TP63: variants seen among roughly 807,000 people sequenced by gnomAD.
The protein encoded by TP63 is tumor protein p63.
A neutral mutation model predicts 82.8 loss-of-function variants in TP63; 17 were observed. The observed-to-expected ratio is 0.21, with a 90% CI of 0.14 to 0.31. The LOEUF (loss-of-function observed/expected upper bound fraction) is 0.31, where lower values mean the gene tolerates loss of function less well. Ranked by LOEUF, TP63 falls within the 10% of genes least tolerant of loss-of-function variation. The probability of loss-of-function intolerance (pLI) is 1.00; values close to 1 mark genes in which losing one functional copy is unlikely to be tolerated. For missense variants in TP63, 648 were observed against 895.3 expected (o/e 0.72, Z 3.52); for synonymous variants, 330 against 321.7 (o/e 1.03, Z -0.28).
At chr3:189,867,195 A>G (rs1717833193) in intron 6 of TP63, among the ~76,000 whole-genome samples, 1 of 152,178 alleles carries the variant, frequency 6.6e-6, no homozygotes, top group Non-Finnish European at 1.5e-5. Context: ...GTTTGAATGA[A>G]CAGATGATAG....
At chr3:189,765,864 T>G (rs1722925187) in intron 3 of TP63, among the ~76,000 whole-genome samples, 2 of 152,180 alleles carry the variant, frequency 1.3e-5, no homozygotes, top group Non-Finnish European at 2.9e-5. Flanking sequence ...ACTCCCCCTC[T>G]GGGCTTAGTT....
At chr3:189,868,165 G>T (rs1006782799) in intron 7 of TP63, among the ~76,000 whole-genome samples, 4 of 152,188 alleles carry the variant, frequency 2.6e-5, no homozygotes, top group Non-Finnish European at 4.4e-5. Context: ...AAGTGTGCAA[G>T]TCACTTCATA....
intron 4 of TP63, among the ~76,000 whole-genome samples, chr3:189,823,498 T>G (rs1729012599): frequency 6.6e-6 from 1 of 152,160 alleles, no homozygotes; most frequent in Non-Finnish European, 1.5e-5. Context: ...GTCGGTGATG[T>G]GGCTCACTCA....
the TP63 span, among the ~76,000 whole-genome samples, chr3:189,600,637 C>T: frequency 3.0e-4 from 45 of 152,252 alleles, no homozygotes; most frequent in African/African-American, 1.0e-3. Context: ...CTGTTTCTCC[C>T]TGCTTTAGAT....
At chr3:189,808,608 C>A in intron 4 of TP63, 82 bp downstream of exon 4, 2 of 1,601,878 alleles carry the variant, frequency 1.2e-6, no homozygotes, top group Non-Finnish European at 1.7e-6. Flanking sequence ...TCTCCCCCTT[C>A]CCAGTTTAGC....
chr3:189,601,833 C>T, the TP63 span, among the ~76,000 whole-genome samples: 1 of 152,176 alleles, frequency 6.6e-6, no homozygotes, highest in African/African-American at 2.4e-5. Context: ...GTCCATCTCA[C>T]ACTACCAACG....
intron 1 of TP63, among the ~76,000 whole-genome samples, chr3:189,674,938 T>C (rs192747727): frequency 5.3e-5 from 8 of 152,270 alleles, no homozygotes; most frequent in Admixed American, 3.9e-4. Flanking sequence ...CTCCTCAGCA[T>C]TGACAAAATC....
At chr3:189,744,548 G>A (rs112866077) in intron 3 of TP63, among the ~76,000 whole-genome samples, 2,640 of 152,148 alleles carry the variant, frequency 0.017, 44 homozygotes, top group Non-Finnish European at 0.026. Flanking sequence ...TTCTGGTCAC[G>A]CCCACCCAAC....
chr3:189,632,593 G>A (rs1041071310), intron 1 of TP63, among the ~76,000 whole-genome samples: 20 of 152,034 alleles, frequency 1.3e-4, no homozygotes, highest in African/African-American at 4.8e-4. Flanking sequence ...AAGAGAAAGA[G>A]CAAGGCAGAA....
intron 3 of TP63, among the ~76,000 whole-genome samples, chr3:189,778,069 C>A (rs1723957503): frequency 1.3e-5 from 2 of 151,778 alleles, no homozygotes; most frequent in African/African-American, 4.8e-5. Flanking sequence ...CTGGTGAACT[C>A]CAGCCATGGC....
intron 10 of TP63, among the ~76,000 whole-genome samples, chr3:189,875,643 A>G (rs1195510349): frequency 4.3e-5 from 3 of 69,078 alleles, no homozygotes; most frequent in Non-Finnish European, 6.4e-5. Context: ...TATATAAACT[A>G]TTCTTAGCTT....
intron 1 of TP63, among the ~76,000 whole-genome samples, chr3:189,734,781 A>G (rs946970528): frequency 1.6e-4 from 25 of 152,270 alleles, no homozygotes; most frequent in Admixed American, 1.2e-3. Flanking sequence ...TGAGGGATTA[A>G]GGGGTTTTAG....
At chr3:189,814,079 C>G (rs1425509714) in intron 4 of TP63, among the ~76,000 whole-genome samples, 2 of 152,188 alleles carry the variant, frequency 1.3e-5, no homozygotes, top group Non-Finnish European at 2.9e-5. Context: ...GTCTTGGTCT[C>G]GCAAGCTCAC....
chr3:189,881,695 C>A (rs1000143662), intron 10 of TP63, among the ~76,000 whole-genome samples: 1 of 152,192 alleles, frequency 6.6e-6, no homozygotes, highest in Admixed American at 6.5e-5. Flanking sequence ...GGTCATCAAT[C>A]GTAACAAGGA....
intron 1 of TP63, among the ~76,000 whole-genome samples, chr3:189,700,428 G>A (rs2141608): frequency 0.056 from 8,572 of 152,178 alleles, 327 homozygotes; most frequent in African/African-American, 0.12. Flanking sequence ...TCTCACTATA[G>A]CACTACTGCT....
In TP63 at chr3:189,864,194, C is replaced by T. The variant is rs144803500; in HGVS notation, c.580-38C>T. On this transcript the variant is annotated intron_variant, in intron 4 of 13. Coordinates refer to ENST00000264731, the MANE Select transcript of TP63 (RefSeq NM_003722.5). ...AATGTAACAATATCTCCTGTTGGTT[C>T]TCTCCTTCCTTTCTCCACTGGCCCC... 5.4e-4 allele frequency: 836 copies of T among 1,557,372 alleles called. 9 individuals carry two copies. In the African/African-American group the frequency reaches 9.9e-3, roughly 18 times the overall value.
chr3:189,875,589 CATACATATATATATATATATATATAT>C lies in TP63; in HGVS notation c.1349+2598_1349+2623del, dbSNP rs1310122615. Among the ~76,000 whole-genome samples, 66 of 44,424 alleles carry C rather than the reference CATACATATATATATATATATATATAT, an allele frequency of 1.5e-3. 3 individuals carry two copies. Among genetic ancestry groups the C allele is most frequent in the African/African-American group, 2.4e-3 (23 of 9,450 alleles). The allele number at this position is 44,424 out of a possible 152,430, so 29.1% of individuals were successfully genotyped here. ...TCAAAAAGAAAAAGAAAAAAAAATACATACATATATATATATATATATATATATATATATATATATATATATATAAA... is the reference window on the plus strand; with the variant it reads ...TCAAAAAGAAAAAGAAAAAAAAATACATATATATATATATATATATATAAA... On this transcript the variant is annotated intron_variant, in intron 10 of 13. Coordinates refer to ENST00000264731, the MANE Select transcript of TP63 (RefSeq NM_003722.5).
chr3:189,863,897 G>C (rs1717363679), intron 4 of TP63, among the ~76,000 whole-genome samples: 2 of 152,096 alleles, frequency 1.3e-5, no homozygotes, highest in Non-Finnish European at 2.9e-5. Flanking sequence ...TTAGCTTCTG[G>C]TAATCTATGA....
intron 10 of TP63, among the ~76,000 whole-genome samples, chr3:189,875,616 A>ACG (rs1283186870): frequency 9.2e-6 from 1 of 108,720 alleles, no homozygotes; most frequent in African/African-American, 4.5e-5. Flanking sequence ...ATATATATAT[A>ACG]TATATATATA....
Sources: gnomAD v4.1 joint callset for allele counts (sites outside exome capture counted in the v4.1 genomes callset) on GRCh38, gnomAD v4.1.1 for gene constraint, MANE v1.5 for transcripts, NCBI Gene and HGNC (gene_info 2026-07-23, HGNC 2026-07-21) for gene names.